The following UNC5C variants were observed in gnomAD, a reference collection of about 807,000 sequenced individuals.
The protein encoded by UNC5C is unc-5 netrin receptor C.
UNC5C carries 47 observed loss-of-function variants against 99.8 expected under a neutral mutation model. The ratio of observed to expected loss-of-function variants is 0.47; its 90% CI spans 0.37 to 0.60. The LOEUF is 0.60. UNC5C is among the 20% of genes least tolerant of loss of function. The pLI is 0.00. For synonymous variants in UNC5C, 487 were observed against 452.2 expected (o/e 1.08, Z -0.98); for missense variants, 1,062 against 1,165.9 (o/e 0.91, Z 1.30).
chr4:95,511,431 T>A (rs2149487521), intron 1 of UNC5C, among the ~76,000 whole-genome samples: 1 of 152,258 alleles, frequency 6.6e-6, no homozygotes, highest in South Asian at 2.1e-4. Flanking sequence ...AAATGGAAGC[T>A]GCCTCTCCTC....
chr4:95,173,927 T>C (rs1736228850), intron 14 of UNC5C, among the ~76,000 whole-genome samples: 1 of 151,852 alleles, frequency 6.6e-6, no homozygotes, highest in African/African-American at 2.4e-5. Context: ...GCTCCTGTTA[T>C]TGGTCTATTC....
intron 2 of UNC5C, among the ~76,000 whole-genome samples, chr4:95,326,608 T>C (rs1742892854): frequency 6.6e-6 from 1 of 152,190 alleles, no homozygotes; most frequent in African/African-American, 2.4e-5. Flanking sequence ...ACTTTTCTGT[T>C]TCTTATATTG....
intron 1 of UNC5C, among the ~76,000 whole-genome samples, chr4:95,519,822 AGG>A (rs1175849818): frequency 6.6e-6 from 1 of 152,216 alleles, no homozygotes; most frequent in Admixed American, 6.5e-5. Flanking sequence ...ACATAGCTGA[AGG>A]TATTTTTGTC....
At chr4:95,325,221 AGGGAAAC>A (rs1312793520) in intron 2 of UNC5C, among the ~76,000 whole-genome samples, 5 of 152,344 alleles carry the variant, frequency 3.3e-5, no homozygotes, top group African/African-American at 1.2e-4. Flanking sequence ...TCATGGACAA[AGGGAAAC>A]CATTATATAT....
chr4:95,219,380 T>TCC, intron 8 of UNC5C, 67 bp from the exon 9 acceptor site: 1 of 1,466,888 alleles, frequency 6.8e-7, no homozygotes, highest in Non-Finnish European at 9.3e-7. Context: ...TTAGTCAGAC[T>TCC]CCCCCTCACA....
intron 1 of UNC5C, among the ~76,000 whole-genome samples, chr4:95,389,601 CTG>C (rs1339600837): frequency 5.9e-5 from 9 of 151,946 alleles, no homozygotes; most frequent in African/African-American, 2.2e-4. Flanking sequence ...AAATCAATGA[CTG>C]ATGCTTATTT....
At chr4:95,447,919 A>G (rs1380342935) in intron 1 of UNC5C, among the ~76,000 whole-genome samples, 2 of 152,176 alleles carry the variant, frequency 1.3e-5, no homozygotes, top group Non-Finnish European at 2.9e-5. Context: ...TTCTTTCAGG[A>G]AGAAGCGGCT....
intron 1 of UNC5C, among the ~76,000 whole-genome samples, chr4:95,378,927 C>T (rs1262980936): frequency 3.3e-5 from 5 of 152,092 alleles, no homozygotes; most frequent in Non-Finnish European, 7.4e-5. Flanking sequence ...TAACATTTTA[C>T]TAGTATTTTT....
chr4:95,439,593 A>C (rs1450845568), intron 1 of UNC5C, among the ~76,000 whole-genome samples: 2 of 152,190 alleles, frequency 1.3e-5, no homozygotes, highest in Non-Finnish European at 2.9e-5. Flanking sequence ...TAATGTGATA[A>C]GTTGAATATG....
At chr4:95,207,280 A>C (rs1737916201) in intron 10 of UNC5C, among the ~76,000 whole-genome samples, 2 of 152,196 alleles carry the variant, frequency 1.3e-5, no homozygotes. Context: ...ACTTAGTCCA[A>C]ATGACTTTCA....
intron 12 of UNC5C, among the ~76,000 whole-genome samples, chr4:95,192,656 AC>A (rs1238642205): frequency 9.1e-6 from 1 of 109,696 alleles, no homozygotes; most frequent in African/African-American, 3.6e-5. Context: ...TCTTCTGCTC[AC>A]CTCTTCCCCT....
chr4:95,375,381 G>T (rs1225627579), intron 1 of UNC5C, among the ~76,000 whole-genome samples: 1 of 151,924 alleles, frequency 6.6e-6, no homozygotes, highest in African/African-American at 2.4e-5. Context: ...TCCAAACAGG[G>T]TAAAAAAATG....
intron 7 of UNC5C, among the ~76,000 whole-genome samples, chr4:95,224,647 A>G (rs1277270031): frequency 2.0e-5 from 3 of 151,836 alleles, no homozygotes; most frequent in Non-Finnish European, 4.4e-5. Flanking sequence ...CCGTTTAGCA[A>G]ATACTCTTGA....
chr4:95,297,346 G>T (rs1455953611), intron 3 of UNC5C, among the ~76,000 whole-genome samples: 2 of 152,164 alleles, frequency 1.3e-5, no homozygotes, highest in Non-Finnish European at 2.9e-5. Flanking sequence ...AAGACAAAGA[G>T]AAAATCTATT....
Position 95,301,596 on chromosome 4 carries a change from A to T in UNC5C, c.490+10T>A, listed in dbSNP as rs1741880491. ...CTGAGACCCAAGGTGCTTATTGTAC[A>T]ATGACTCACATGCAATGCGCACATA... is the stretch of plus-strand genomic sequence containing the variant. On this transcript the variant is annotated intron_variant, in intron 3 of 15. Coordinates refer to ENST00000453304, the MANE Select transcript of UNC5C (RefSeq NM_003728.4). The T allele has an allele frequency of 6.2e-7, 1 of 1,613,810 alleles. No homozygotes were observed. Among genetic ancestry groups the T allele is most frequent in the Admixed American group, 1.7e-5 (1 of 59,990 alleles).
chr4:95,346,544 G>C lies in UNC5C; in HGVS notation c.125-10913C>G, dbSNP rs145056425. On this transcript the variant is annotated intron_variant, in intron 1 of 15. Transcript: ENST00000453304. ...CACAAAAATCATCAACAAACTAGTA[G>C]CAAACTGAATTTAACAACACATTAA... Among the ~76,000 whole-genome samples the C allele has an allele frequency of 7.5e-3, 1,141 of 152,014 alleles. 13 individuals are homozygous for C. Among genetic ancestry groups the C allele is most frequent in the African/African-American group, 0.026 (1,096 of 41,520 alleles).
intron 1 of UNC5C, among the ~76,000 whole-genome samples, chr4:95,444,056 G>A (rs1560834729): frequency 6.6e-6 from 1 of 152,126 alleles, no homozygotes; most frequent in Non-Finnish European, 1.5e-5. Flanking sequence ...CTCCATATAT[G>A]CTAATGGTCT....
At chr4:95,173,851 G>A (rs1310620654) in intron 14 of UNC5C, among the ~76,000 whole-genome samples, 2 of 152,000 alleles carry the variant, frequency 1.3e-5, no homozygotes, top group African/African-American at 4.8e-5. Flanking sequence ...GTAGAATTCG[G>A]CTGTGAATCC....
rs548303442 is a variant in UNC5C, at chr4:95,444,725, G to A, written c.124+104009C>T. On this transcript the variant is annotated intron_variant, in intron 1 of 15. Coordinates refer to ENST00000453304, the MANE Select transcript of UNC5C (RefSeq NM_003728.4). Reference sequence around the variant, plus strand: ...CACAGTAAAACAGTCCTCAGAACTGGAGGAGCAAATCAATAACTTTCCTCC... The same window carrying A: ...CACAGTAAAACAGTCCTCAGAACTGAAGGAGCAAATCAATAACTTTCCTCC... Among the ~76,000 whole-genome samples, 5 of 152,222 alleles carry A rather than the reference G, an allele frequency of 3.3e-5. No individual in the cohort carries two copies. In the South Asian group the frequency reaches 1.0e-3, roughly 32 times the overall value.
Sources: allele counts gnomAD v4.1 joint callset (sites outside exome capture counted in the v4.1 genomes callset), GRCh38; gene constraint gnomAD v4.1.1; transcripts MANE v1.5; gene names NCBI Gene and HGNC (gene_info 2026-07-23, HGNC 2026-07-21).